Variants in FOXP2 observed in about 807,000 individuals in gnomAD.
The protein encoded by FOXP2 is forkhead box protein P2.
FOXP2 carries 12 observed loss-of-function variants against 115.8 expected under a neutral mutation model. The ratio of observed to expected loss-of-function variants is 0.10; its 90% CI spans 0.07 to 0.17. The LOEUF (loss-of-function observed/expected upper bound fraction) is 0.17, where lower values mean the gene tolerates loss of function less well. Ranked by LOEUF, FOXP2 falls within the 10% of genes least tolerant of loss-of-function variation. The probability of loss-of-function intolerance (pLI) is 1.00; values close to 1 mark genes in which losing one functional copy is unlikely to be tolerated. For synonymous variants in FOXP2, 328 were observed against 297.7 expected (o/e 1.10, Z -1.05); for missense variants, 629 against 843.5 (o/e 0.75, Z 3.15).
At chr7:114,202,704 G>T (rs535834249) in intron 1 of FOXP2, among the ~76,000 whole-genome samples, 1 of 152,250 alleles carries the variant, frequency 6.6e-6, no homozygotes, top group African/African-American at 2.4e-5. Flanking sequence ...AAGAGGTCAA[G>T]TTACTTAATC....
intron 2 of FOXP2, among the ~76,000 whole-genome samples, chr7:114,476,658 A>T (rs557201130): frequency 1.3e-5 from 2 of 152,084 alleles, no homozygotes; most frequent in East Asian, 3.9e-4. Flanking sequence ...TCTGTCAAGA[A>T]TGATGTTGGT....
At chr7:114,208,968 T>C (rs1794272902) in intron 1 of FOXP2, among the ~76,000 whole-genome samples, 1 of 152,146 alleles carries the variant, frequency 6.6e-6, no homozygotes, top group South Asian at 2.1e-4. Flanking sequence ...GATTGTGTTT[T>C]GATTTGTGAG....
At chr7:114,658,653 C>T (rs17213159) in intron 11 of FOXP2, among the ~76,000 whole-genome samples, 12,387 of 152,216 alleles carry the variant, frequency 0.081, 686 homozygotes, top group Non-Finnish European at 0.12. Flanking sequence ...CAAGACAGTT[C>T]GAGGTTTACA....
chr7:114,398,450 TCTA>T (rs1354623250), intron 2 of FOXP2, among the ~76,000 whole-genome samples: 1 of 152,150 alleles, frequency 6.6e-6, no homozygotes, highest in Non-Finnish European at 1.5e-5. Flanking sequence ...TTTTATGAAG[TCTA>T]CTTTAAAATC....
At chr7:114,404,669 C>T (rs1792990479) in intron 2 of FOXP2, among the ~76,000 whole-genome samples, 1 of 151,930 alleles carries the variant, frequency 6.6e-6, no homozygotes, top group Non-Finnish European at 1.5e-5. Flanking sequence ...GTGTAGTTGC[C>T]TGTTTAACTT....
intron 3 of FOXP2, among the ~76,000 whole-genome samples, chr7:114,620,032 A>G (rs1022757573): frequency 4.6e-5 from 7 of 152,092 alleles, no homozygotes; most frequent in Non-Finnish European, 7.4e-5. Context: ...GATACACTAA[A>G]TAAAACGTGC....
intron 2 of FOXP2, among the ~76,000 whole-genome samples, chr7:114,452,510 G>A (rs935567393): frequency 1.3e-5 from 2 of 152,048 alleles, no homozygotes; most frequent in African/African-American, 4.8e-5. Context: ...TTAGAGGTTT[G>A]AAAATTGATT....
intron 2 of FOXP2, among the ~76,000 whole-genome samples, chr7:114,383,455 T>C (rs112162770): frequency 8.5e-4 from 130 of 152,226 alleles, no homozygotes; most frequent in Middle Eastern, 3.4e-3. Context: ...AGGGGGATGC[T>C]GGGATAGGGA....
At chr7:114,607,185 A>T (rs1803377354) in intron 3 of FOXP2, among the ~76,000 whole-genome samples, 1 of 152,214 alleles carries the variant, frequency 6.6e-6, no homozygotes, top group Non-Finnish European at 1.5e-5. Context: ...GAGAAAATTC[A>T]GTCTTATCCA....
intron 8 of FOXP2, among the ~76,000 whole-genome samples, chr7:114,646,882 A>G (rs1805938344): frequency 6.6e-6 from 1 of 152,006 alleles, no homozygotes; most frequent in Non-Finnish European, 1.5e-5. Flanking sequence ...GGAAAGCATA[A>G]TCACTTCGAC....
chr7:114,211,859 G>A (rs1468933863), intron 1 of FOXP2, among the ~76,000 whole-genome samples: 2 of 152,030 alleles, frequency 1.3e-5, no homozygotes, highest in African/African-American at 2.4e-5. Flanking sequence ...GATCACCTGA[G>A]GTCAGGAGTT....
chr7:114,232,595 C>T (rs183757582), intron 1 of FOXP2, among the ~76,000 whole-genome samples: 1 of 152,040 alleles, frequency 6.6e-6, no homozygotes, highest in Non-Finnish European at 1.5e-5. Context: ...GGGCGGATCA[C>T]CTGAGGTCAG....
chr7:114,653,065 A>G (rs1806365690), intron 9 of FOXP2, among the ~76,000 whole-genome samples: 1 of 152,156 alleles, frequency 6.6e-6, no homozygotes, highest in Non-Finnish European at 1.5e-5. Flanking sequence ...TGTTTCATTT[A>G]AAGATACGAT....
chr7:114,525,443 G>C (rs1305272256), intron 2 of FOXP2, among the ~76,000 whole-genome samples: 1 of 152,146 alleles, frequency 6.6e-6, no homozygotes, highest in Non-Finnish European at 1.5e-5. Context: ...TATTCCAGAA[G>C]AAAATACCGA....
intron 2 of FOXP2, among the ~76,000 whole-genome samples, chr7:114,294,911 T>TACATAC: frequency 6.6e-6 from 1 of 151,296 alleles, no homozygotes; most frequent in Non-Finnish European, 1.5e-5. Flanking sequence ...TGCATGCATA[T>TACATAC]ATACATACAT....
chr7:114,493,839 T>G (rs916093083), intron 2 of FOXP2, among the ~76,000 whole-genome samples: 1 of 151,894 alleles, frequency 6.6e-6, no homozygotes, highest in African/African-American at 2.4e-5. Flanking sequence ...ATGTGGCCTT[T>G]TTTTTTTTTC....
chr7:114,119,577 A>G (rs1305109355), intron 1 of FOXP2, among the ~76,000 whole-genome samples: 2 of 151,864 alleles, frequency 1.3e-5, no homozygotes, highest in Non-Finnish European at 1.5e-5. Context: ...TGGGCAAGGT[A>G]GTATGTACCT....
intron 3 of FOXP2, among the ~76,000 whole-genome samples, chr7:114,616,765 A>G (rs1038159810): frequency 6.6e-6 from 1 of 152,172 alleles, no homozygotes; most frequent in Non-Finnish European, 1.5e-5. Context: ...ATCTAGAGCC[A>G]TTACTCTTTG....
At chr7:114,488,970 A>G (rs1487028246) in intron 2 of FOXP2, among the ~76,000 whole-genome samples, 1 of 152,178 alleles carries the variant, frequency 6.6e-6, no homozygotes, top group Non-Finnish European at 1.5e-5. Flanking sequence ...GAAAAAATAA[A>G]GAATAAAACC....
Sources: allele counts gnomAD v4.1 joint callset (sites outside exome capture counted in the v4.1 genomes callset), GRCh38; gene constraint gnomAD v4.1.1; transcripts MANE v1.5; gene names NCBI Gene and HGNC (gene_info 2026-07-23, HGNC 2026-07-21).